PHF20: variants seen among roughly 807,000 people sequenced by gnomAD.
PHF20 encodes glioma-expressed antigen 2.
A neutral mutation model predicts 113.5 loss-of-function variants in PHF20; 23 were observed. That is an observed-to-expected ratio of 0.20 (90% CI 0.15 to 0.29). The LOEUF (loss-of-function observed/expected upper bound fraction) is 0.29, where lower values mean the gene tolerates loss of function less well. Among genes scored for constraint, PHF20 ranks in the 10% least tolerant of loss-of-function variants. The pLI is 1.00. For missense variants in PHF20, 943 were observed against 1,219.6 expected (o/e 0.77, Z 3.38); for synonymous variants, 434 against 457.3 (o/e 0.95, Z 0.65).
At chr20:35,903,546 G>A (rs983636203) in intron 10 of PHF20, among the ~76,000 whole-genome samples, 1 of 152,032 alleles carries the variant, frequency 6.6e-6, no homozygotes, top group African/African-American at 2.4e-5. Flanking sequence ...CAGCCAGGAA[G>A]GAATGTACCC....
At chr20:35,892,591 A>T (rs2054896195) in intron 9 of PHF20, among the ~76,000 whole-genome samples, 1 of 152,158 alleles carries the variant, frequency 6.6e-6, no homozygotes, top group South Asian at 2.1e-4. Context: ...TTCATATATA[A>T]TATTTTTATC....
At chr20:35,924,115 C>T (rs936527854) in intron 13 of PHF20, among the ~76,000 whole-genome samples, 27 of 151,916 alleles carry the variant, frequency 1.8e-4, no homozygotes, top group African/African-American at 6.5e-4. Context: ...AGTACATTCA[C>T]ATTGCTTTGC....
At chr20:35,801,751 T>G in intron 2 of PHF20, 146 bp downstream of exon 2, 1 of 587,438 alleles carries the variant, frequency 1.7e-6, no homozygotes, top group East Asian at 2.9e-5. Flanking sequence ...CTTTTCTCTT[T>G]GATGCAGGGA....
intron 9 of PHF20, chr20:35,887,668 C>A (rs896847119): frequency 6.6e-6 from 1 of 152,078 alleles, no homozygotes; most frequent in Admixed American, 6.6e-5. Context: ...CAGCTTTGCC[C>A]AGTGGCAGTA....
chr20:35,794,384 G>A (rs760018884), intron 1 of PHF20, among the ~76,000 whole-genome samples: 3 of 152,036 alleles, frequency 2.0e-5, no homozygotes, highest in Non-Finnish European at 4.4e-5. Flanking sequence ...CTAGAGAACA[G>A]GGTCCGGGTG....
rs2054421303 is a variant in PHF20, at chr20:35,871,542, T to C, written c.1103-108T>C. ...GAATGTATGCTTTTATGTTTTAGAT[T>C]AATTCCTTCCTCTAAAAAGTCCCTG... On this transcript the variant is annotated intron_variant, in intron 8 of 17. Transcript: ENST00000374012. 6 of 851,954 alleles carry C rather than the reference T, an allele frequency of 7.0e-6. No homozygotes were observed. In the South Asian group the frequency reaches 1.1e-4, roughly 16 times the overall value. 52.8% of individuals were successfully genotyped at this position (851,954 alleles called of 1,614,324 possible).
intron 4 of PHF20, among the ~76,000 whole-genome samples, chr20:35,849,805 G>A (rs1349611851): frequency 6.7e-6 from 1 of 150,304 alleles, no homozygotes; most frequent in Non-Finnish European, 1.5e-5. Flanking sequence ...TGTTGGTGCT[G>A]CCAGGAGGAG....
intron 10 of PHF20, among the ~76,000 whole-genome samples, chr20:35,904,826 T>C (rs867121016): frequency 1.9e-5 from 2 of 105,974 alleles, no homozygotes; most frequent in African/African-American, 1.1e-4. Flanking sequence ...TTTCTCTTTC[T>C]TTTTTTTTGT....
chr20:35,894,486 T>C (rs1568722679), intron 9 of PHF20, among the ~76,000 whole-genome samples: 2 of 152,258 alleles, frequency 1.3e-5, no homozygotes, highest in East Asian at 3.8e-4. Flanking sequence ...TTGTGCTTTT[T>C]GTACTATACC....
intron 15 of PHF20, among the ~76,000 whole-genome samples, 167 bp downstream of exon 15, chr20:35,931,611 A>C (rs2055755039): frequency 1.3e-5 from 2 of 152,158 alleles, no homozygotes; most frequent in Admixed American, 1.3e-4. Flanking sequence ...AAAAAAAAAA[A>C]AACTTTATTG....
intron 2 of PHF20, 21 bp from the exon 3 acceptor site, chr20:35,842,552 A>ATTTTTT: frequency 8.1e-7 from 1 of 1,240,814 alleles, no homozygotes; most frequent in Non-Finnish European, 1.1e-6. Context: ...AGGAATGCCA[A>ATTTTTT]TTTTTTTTTT....
At chr20:35,913,193 G>C (rs2055339557) in intron 10 of PHF20, 56 bp from the exon 11 acceptor site, 1 of 1,123,442 alleles carries the variant, frequency 8.9e-7, no homozygotes, top group Non-Finnish European at 1.3e-6. Context: ...AGAAGAATAA[G>C]CACCCCAGCA....
chr20:35,782,192 A>G (rs899204082), intron 1 of PHF20: 1 of 151,646 alleles, frequency 6.6e-6, no homozygotes, highest in African/African-American at 2.4e-5. Context: ...TGTGACCTAT[A>G]TGATAATTAG....
intron 9 of PHF20, among the ~76,000 whole-genome samples, chr20:35,877,106 CAA>C (rs760494622): frequency 0.12 from 3,986 of 32,316 alleles, 84 homozygotes; most frequent in African/African-American, 0.21. Flanking sequence ...GACTCTGTCT[CAA>C]AAAAAAAAAA....
intron 10 of PHF20, among the ~76,000 whole-genome samples, chr20:35,909,327 G>A (rs529835210): frequency 5.1e-4 from 78 of 151,956 alleles, no homozygotes; most frequent in African/African-American, 1.8e-3. Flanking sequence ...GAGGGACAGG[G>A]GGTGTTATCT....
intron 9 of PHF20, among the ~76,000 whole-genome samples, chr20:35,898,291 C>T (rs1392073283): frequency 6.6e-6 from 1 of 152,174 alleles, no homozygotes; most frequent in Non-Finnish European, 1.5e-5. Context: ...CAAAAACTGA[C>T]GTAAAATCTC....
rs141811429 is a variant in PHF20 at position 35,867,552 on chromosome 20, C to T, written c.809-1886C>T. ...CTGGGATTACAGGCGTGAGCCACCACACCCAGCCTGTTTGTATTTATGTTT... is the reference window on the plus strand; with the variant it reads ...CTGGGATTACAGGCGTGAGCCACCATACCCAGCCTGTTTGTATTTATGTTT... On this transcript the variant is annotated intron_variant, in intron 6 of 17. Transcript: ENST00000374012. Among the ~76,000 whole-genome samples the T allele has an allele frequency of 8.8e-3, 1,336 of 152,208 alleles. 23 individuals are homozygous for T. The highest frequency in any genetic ancestry group is 0.031 in the African/African-American group (1,279 of 41,540).
At chr20:35,865,439 A>AT (rs998706484) in intron 6 of PHF20, among the ~76,000 whole-genome samples, 2 of 149,382 alleles carry the variant, frequency 1.3e-5, no homozygotes, top group African/African-American at 4.9e-5. Context: ...TAAAAAAAAA[A>AT]TTTTTTTTAA....
chr20:35,807,128 T>A (rs1022529449), intron 2 of PHF20, among the ~76,000 whole-genome samples: 1 of 152,056 alleles, frequency 6.6e-6, no homozygotes, highest in Non-Finnish European at 1.5e-5. Context: ...TTTTGTAGTA[T>A]TGTTGAGTGT....
Sources: allele counts gnomAD v4.1 joint callset (sites outside exome capture counted in the v4.1 genomes callset), GRCh38; gene constraint gnomAD v4.1.1; transcripts MANE v1.5; gene names NCBI Gene and HGNC (gene_info 2026-07-23, HGNC 2026-07-21).